The following RIMKLA variants were observed in gnomAD, a reference collection of about 807,000 sequenced individuals.
RIMKLA encodes N-acetylaspartylglutamate synthase A.
RIMKLA carries 14 observed loss-of-function variants against 32.7 expected under a neutral mutation model. The observed-to-expected ratio is 0.43, with a 90% confidence interval of 0.28 to 0.67. RIMKLA has a LOEUF of 0.67. Ranked by LOEUF, RIMKLA falls within the 30% of genes least tolerant of loss-of-function variation. RIMKLA has a pLI of 0.18. For missense variants in RIMKLA, 410 were observed against 519.0 expected, an observed-to-expected ratio of 0.79 and a Z score of 2.04; for synonymous variants, 176 against 204.1, an observed-to-expected ratio of 0.86 and a Z score of 1.18.
intron 2 of RIMKLA, among the ~76,000 whole-genome samples, chr1:42,403,496 A>G (rs888336748): frequency 2.6e-5 from 4 of 152,228 alleles, no homozygotes; most frequent in African/African-American, 9.7e-5. Context: ...TATAGTATAT[A>G]TAAGAACCCA....
chr1:42,396,998 T>G (rs1382976155), intron 1 of RIMKLA, among the ~76,000 whole-genome samples: 1 of 147,120 alleles, frequency 6.8e-6, no homozygotes, highest in African/African-American at 2.5e-5. Flanking sequence ...TCAAAGGAAT[T>G]TTTCAAAGAA....
At chr1:42,387,066 C>CAAAT (rs36109633) in intron 1 of RIMKLA, among the ~76,000 whole-genome samples, 20,449 of 141,190 alleles carry the variant, frequency 0.14, 1,551 homozygotes, top group East Asian at 0.22. Flanking sequence ...GACTCCATCT[C>CAAAT]AAATAAATAA....
intron 1 of RIMKLA, among the ~76,000 whole-genome samples, chr1:42,385,823 CCTTCCTTT>C (rs1326015699): frequency 1.1e-5 from 1 of 87,034 alleles, no homozygotes; most frequent in Non-Finnish European, 2.6e-5. Context: ...TTCCTTCCTT[CCTTCCTTT>C]CTTTCTTTCT....
intron 1 of RIMKLA, among the ~76,000 whole-genome samples, chr1:42,384,626 G>A (rs10449744): frequency 3.1e-5 from 1 of 32,196 alleles, no homozygotes; most frequent in Admixed American, 4.9e-4. Flanking sequence ...TACTATATAT[G>A]TGTGTGTGTA....
chr1:42,392,376 T>C (rs1160345882), intron 1 of RIMKLA, among the ~76,000 whole-genome samples: 4 of 152,194 alleles, frequency 2.6e-5, no homozygotes, highest in Admixed American at 2.0e-4. Context: ...TAATAACAAC[T>C]GTGTGTTGTC....
intron 2 of RIMKLA, among the ~76,000 whole-genome samples, chr1:42,403,674 G>A (rs1381355844): frequency 3.3e-5 from 5 of 152,086 alleles, no homozygotes; most frequent in Non-Finnish European, 5.9e-5. Flanking sequence ...GTTTTCTATC[G>A]CTCCATAACA....
intron 1 of RIMKLA, among the ~76,000 whole-genome samples, chr1:42,385,799 C>CTT (rs761449314): frequency 0.037 from 4,035 of 108,430 alleles, 257 homozygotes; most frequent in Non-Finnish European, 0.042. Flanking sequence ...TTCTTTCTTT[C>CTT]TCTCTCTCTT....
chr1:42,414,210 C>T (rs1643226107), intron 4 of RIMKLA, among the ~76,000 whole-genome samples: 1 of 150,090 alleles, frequency 6.7e-6, no homozygotes, highest in African/African-American at 2.4e-5. Flanking sequence ...ATAATACTGC[C>T]ATCAACATCT....
At chr1:42,389,578 G>A (rs556948040) in intron 1 of RIMKLA, among the ~76,000 whole-genome samples, 4 of 152,288 alleles carry the variant, frequency 2.6e-5, no homozygotes, top group African/African-American at 7.2e-5. Context: ...TTGGGAGGCC[G>A]AGGTGGGCGA....
In RIMKLA at chr1:42,416,103, T is replaced by C. The variant is rs972829830; in HGVS notation, c.*1129T>C. The C allele has an allele frequency of 7.6e-6, 1 of 132,238 alleles. No individual in the cohort carries two copies. The highest frequency in any genetic ancestry group is 1.6e-5 in the Non-Finnish European group (1 of 60,998). The allele number at this position is 132,238 out of a possible 1,614,324, so 8.2% of individuals were successfully genotyped here. On this transcript the variant is annotated 3_prime_UTR_variant, in exon 5 of 5. Transcript: ENST00000431473. The stretch of plus-strand genomic sequence containing the variant: ...CACATTTTGCGGGGGGGGGGGCTAA[T>C]GTAGACATGACACCAAGTGCTTTTC...
At chr1:42,399,298 GGC>G (rs1643075954) in intron 1 of RIMKLA, 104 bp from the exon 2 acceptor site, 2 of 815,896 alleles carry the variant, frequency 2.5e-6, no homozygotes, top group Admixed American at 5.7e-5. Flanking sequence ...CCAATTTTGA[GGC>G]TCTGTTCCTA....
At chr1:42,412,530 C>G (rs1643207122) in intron 4 of RIMKLA, 2 of 446,360 alleles carry the variant, frequency 4.5e-6, no homozygotes, top group East Asian at 6.5e-5. Context: ...GCAGATTATT[C>G]TGCCATTTTT....
In RIMKLA at chr1:42,417,540, T is replaced by G. The variant is rs1340036950; in HGVS notation, c.*2566T>G. 2 of 152,206 alleles carry G rather than the reference T, an allele frequency of 1.3e-5. No individual in the cohort carries two copies. Among genetic ancestry groups the G allele is most frequent in the African/African-American group, 2.4e-5 (1 of 41,444 alleles). The allele number at this position is 152,206 out of a possible 1,614,324, so 9.4% of individuals were successfully genotyped here. On this transcript the variant is annotated 3_prime_UTR_variant, in exon 5 of 5. Coordinates refer to ENST00000431473, the MANE Select transcript of RIMKLA (RefSeq NM_173642.4). ...TCTGCGTCTCCATGTTTCACTCAGA[T>G]AGAGAAAATGCCTCCTTTGTTTACC...
intron 2 of RIMKLA, among the ~76,000 whole-genome samples, chr1:42,402,144 G>C (rs1056710503): frequency 6.6e-6 from 1 of 152,120 alleles, no homozygotes; most frequent in Non-Finnish European, 1.5e-5. Context: ...TTGTGAACTA[G>C]ACAGGTCTTG....
At chr1:42,392,214 G>A (rs990864567) in intron 1 of RIMKLA, among the ~76,000 whole-genome samples, 30 of 152,260 alleles carry the variant, frequency 2.0e-4, no homozygotes, top group African/African-American at 7.2e-4. Context: ...CCCAGGCAGA[G>A]ATAATCATCC....
intron 4 of RIMKLA, among the ~76,000 whole-genome samples, chr1:42,413,213 A>G (rs1643215690): frequency 9.3e-6 from 1 of 108,030 alleles, no homozygotes; most frequent in African/African-American, 3.3e-5. Flanking sequence ...GAAAATTCGG[A>G]AAATATGGCC....
chr1:42,385,882 C>CTT (rs1557750078), intron 1 of RIMKLA, among the ~76,000 whole-genome samples: 2 of 92,162 alleles, frequency 2.2e-5, no homozygotes, highest in African/African-American at 7.9e-5. Context: ...TTCTTTCTTT[C>CTT]TTTCTTTCTT....
intron 1 of RIMKLA, among the ~76,000 whole-genome samples, chr1:42,381,438 C>T (rs1642888336): frequency 6.6e-6 from 1 of 152,150 alleles, no homozygotes. Flanking sequence ...CGCATCAATA[C>T]CTTGACAGTT....
In RIMKLA at chr1:42,414,240, T is replaced by C. The variant is rs79317586; in HGVS notation, c.686-244T>C. ...ACATCTTTGTGCATAAAGCTTTTTT[T>C]CCCCCATATATAAGATTATTTCCTT... is the stretch of plus-strand genomic sequence containing the variant. On this transcript the variant is annotated intron_variant, in intron 4 of 4. Transcript: ENST00000431473. Among the ~76,000 whole-genome samples the C allele has an allele frequency of 3.5e-3, 536 of 151,878 alleles. 4 individuals are homozygous for C. Among genetic ancestry groups the C allele is most frequent in the Non-Finnish European group, 4.9e-3 (336 of 67,956 alleles).
Sources: allele counts gnomAD v4.1 joint callset (sites outside exome capture counted in the v4.1 genomes callset), GRCh38; gene constraint gnomAD v4.1.1; transcripts MANE v1.5; gene names NCBI Gene and HGNC (gene_info 2026-07-23, HGNC 2026-07-21).